The following ZZZ3 variants were observed in gnomAD, a reference collection of about 807,000 sequenced individuals.
The protein encoded by ZZZ3 is ZZ-type zinc finger-containing protein 3.
Under a neutral mutation model 95.2 loss-of-function variants are expected in ZZZ3, and 22 were observed. The ratio of observed to expected loss-of-function variants is 0.23; its 90% CI spans 0.17 to 0.33. The LOEUF is 0.33. Among genes scored for constraint, ZZZ3 ranks in the 10% least tolerant of loss-of-function variants. The probability of loss-of-function intolerance (pLI) is 1.00; values close to 1 mark genes in which losing one functional copy is unlikely to be tolerated. For missense variants in ZZZ3, 885 were observed against 1,066.5 expected (o/e 0.83, Z 2.37); for synonymous variants, 335 against 358.9 (o/e 0.93, Z 0.75).
At chr1:77,636,406 T>G (rs1668299481) in intron 4 of ZZZ3, among the ~76,000 whole-genome samples, 1 of 152,232 alleles carries the variant, frequency 6.6e-6, no homozygotes, top group South Asian at 2.1e-4. Flanking sequence ...ATACATATAT[T>G]CTTTACTATA....
At chr1:77,589,832 A>C (rs1331276684) in intron 5 of ZZZ3, among the ~76,000 whole-genome samples, 2 of 152,122 alleles carry the variant, frequency 1.3e-5, no homozygotes, top group Admixed American at 6.6e-5. Context: ...GGATGGAAGG[A>C]AGGCGTGCAG....
Position 77,661,977 on chromosome 1 carries a change from T to A in ZZZ3, c.-402-20322A>T, listed in dbSNP as rs528657800. Among the ~76,000 whole-genome samples the A allele has an allele frequency of 3.0e-5, 4 of 131,694 alleles. No homozygotes were observed. The South Asian group carries it at 1.1e-3, about 37-fold the overall frequency. 86.4% of individuals were successfully genotyped at this position (131,694 alleles called of 152,430 possible). A position where few individuals can be genotyped will look rare whatever the true frequency, so the allele number is the denominator to read the frequency against. Reference sequence around the variant, plus strand: ...GACTACAGGCACAAGCCATGATGCCTGGCTTTTTTTTTTTTTTTTACTTGG... The same window carrying A: ...GACTACAGGCACAAGCCATGATGCCAGGCTTTTTTTTTTTTTTTTACTTGG... On this transcript the variant is annotated intron_variant, in intron 1 of 14. Coordinates refer to ENST00000370801, the MANE Select transcript of ZZZ3 (RefSeq NM_015534.6).
At chr1:77,608,133 A>C (rs138675008) in intron 5 of ZZZ3, among the ~76,000 whole-genome samples, 69 of 152,292 alleles carry the variant, frequency 4.5e-4, no homozygotes, top group African/African-American at 1.6e-3. Flanking sequence ...CCAAACCTAG[A>C]GAAAGGTATC....
intron 1 of ZZZ3, among the ~76,000 whole-genome samples, chr1:77,650,522 G>A (rs1469823410): frequency 2.0e-5 from 3 of 151,924 alleles, no homozygotes; most frequent in Admixed American, 6.6e-5. Context: ...ATAAGTCAAA[G>A]AAGAAATCAA....
At chr1:77,663,862 G>C (rs1046188297) in intron 1 of ZZZ3, among the ~76,000 whole-genome samples, 9 of 151,640 alleles carry the variant, frequency 5.9e-5, no homozygotes, top group Non-Finnish European at 1.3e-4. Flanking sequence ...CGATTCTCCT[G>C]CCTTAGCCTC....
intron 11 of ZZZ3, among the ~76,000 whole-genome samples, chr1:77,578,486 C>T (rs1662183200): frequency 6.6e-6 from 1 of 152,072 alleles, no homozygotes. Context: ...AATCAAATAT[C>T]CTAAAAACTT....
chr1:77,600,313 G>A (rs1340204995), intron 5 of ZZZ3, among the ~76,000 whole-genome samples: 1 of 152,100 alleles, frequency 6.6e-6, no homozygotes, highest in African/African-American at 2.4e-5. Context: ...AATACCTGAA[G>A]AACCAGCAAG....
At chr1:77,652,163 C>T (rs1215232118) in intron 1 of ZZZ3, among the ~76,000 whole-genome samples, 1 of 151,966 alleles carries the variant, frequency 6.6e-6, no homozygotes, top group East Asian at 1.9e-4. Flanking sequence ...TTTGTGCTTC[C>T]AAGAACTCAA....
chr1:77,652,245 C>G (rs904614044), intron 1 of ZZZ3, among the ~76,000 whole-genome samples: 1 of 152,052 alleles, frequency 6.6e-6, no homozygotes, highest in African/African-American at 2.4e-5. Flanking sequence ...AAAACCCTTA[C>G]AACTTAATAA....
At position 77,566,175 on chromosome 1, in the gene ZZZ3, T is replaced by C. The variant is rs2100446566; in HGVS notation, c.2473A>G (p.Asn825Asp). Residue 825 changes from asparagine (N) to aspartate (D), a missense_variant, in exon 14 of 15, where the codon AAC becomes GAC. Coordinates refer to ENST00000370801, the MANE Select transcript of ZZZ3 (RefSeq NM_015534.6). Reference sequence around the variant, plus strand: ...CCCTGGATGGGTTCTATGCCACAGTTATCACACTATAACAGATTCAGAGAG... The same window carrying C: ...CCCTGGATGGGTTCTATGCCACAGTCATCACACTATAACAGATTCAGAGAG... ...FVQHVGFKCD[N>D]CGIEPIQGVR... The C allele has an allele frequency of 1.2e-6, 2 of 1,607,296 alleles. No homozygotes were observed. The highest frequency in any genetic ancestry group is 4.5e-5 in the East Asian group (2 of 44,822).
intron 5 of ZZZ3, chr1:77,585,197 T>G (rs2100577760): frequency 6.6e-6 from 1 of 152,304 alleles, no homozygotes; most frequent in Middle Eastern, 3.4e-3. Flanking sequence ...AAATCTGCTG[T>G]TTTTTTCCTC....
intron 5 of ZZZ3, among the ~76,000 whole-genome samples, chr1:77,604,553 A>G (rs1665045477): frequency 6.6e-6 from 1 of 152,246 alleles, no homozygotes; most frequent in Non-Finnish European, 1.5e-5. Context: ...TAATATTTCT[A>G]GTAAACTACG....
At chr1:77,623,765 ATC>A (rs1199756549) in intron 5 of ZZZ3, among the ~76,000 whole-genome samples, 1 of 152,178 alleles carries the variant, frequency 6.6e-6, no homozygotes, top group African/African-American at 2.4e-5. Context: ...ACCACAGAAA[ATC>A]TTGCCTGAGA....
At chr1:77,668,647 CAAAAA>C (rs34195679) in intron 1 of ZZZ3, among the ~76,000 whole-genome samples, 1 of 107,960 alleles carries the variant, frequency 9.3e-6, no homozygotes, top group Non-Finnish European at 2.1e-5. Context: ...GACCCTGTCT[CAAAAA>C]AAAAAAAAAA....
At chr1:77,633,901 G>A (rs1668053744) in intron 4 of ZZZ3, among the ~76,000 whole-genome samples, 1 of 152,178 alleles carries the variant, frequency 6.6e-6, no homozygotes, top group South Asian at 2.1e-4. Context: ...GCCGGGCGCA[G>A]TGGCTCACAC....
chr1:77,594,540 T>C (rs1664034777), intron 5 of ZZZ3, among the ~76,000 whole-genome samples: 1 of 152,076 alleles, frequency 6.6e-6, no homozygotes, highest in South Asian at 2.1e-4. Context: ...AAGAGCTGAG[T>C]AGTTATACAG....
At chr1:77,674,937 G>GT (rs1672120189) in intron 1 of ZZZ3, among the ~76,000 whole-genome samples, 1 of 143,932 alleles carries the variant, frequency 6.9e-6, no homozygotes, top group Non-Finnish European at 1.5e-5. Flanking sequence ...GGGCAACAGA[G>GT]TAAGACTCGG....
chr1:77,611,825 C>T (rs965432445), intron 5 of ZZZ3, among the ~76,000 whole-genome samples: 2 of 151,900 alleles, frequency 1.3e-5, no homozygotes, highest in Non-Finnish European at 2.9e-5. Flanking sequence ...ATACAAAAAT[C>T]AAATGAAAAC....
rs1177792334 is a variant in ZZZ3, at chr1:77,578,684, C to T, written c.2178+90G>A. On this transcript the variant is annotated intron_variant, in intron 11 of 14. Coordinates refer to ENST00000370801, the MANE Select transcript of ZZZ3 (RefSeq NM_015534.6). The stretch of plus-strand genomic sequence containing the variant: ...AATGAACAGAAGTTTTAAAATACAA[C>T]ACTATTCTGTCAAATGTGTAGATTT... 8.0e-6 allele frequency: 6 copies of T among 751,130 alleles called. No homozygotes were observed. In the East Asian group the frequency reaches 1.7e-4, roughly 21 times the overall value. The allele number at this position is 751,130 out of a possible 1,614,324, so 46.5% of individuals were successfully genotyped here. A position where few individuals can be genotyped will look rare whatever the true frequency, so the allele number is the denominator to read the frequency against.
Sources: gnomAD v4.1 joint callset for allele counts (sites outside exome capture counted in the v4.1 genomes callset) on GRCh38, gnomAD v4.1.1 for gene constraint, MANE v1.5 for transcripts, NCBI Gene and HGNC (gene_info 2026-07-23, HGNC 2026-07-21) for gene names.